DLGAP2: variants seen among roughly 807,000 people sequenced by gnomAD.
DLGAP2 encodes disks large-associated protein 2.
In DLGAP2, 26 loss-of-function variants were observed where a neutral mutation model predicts 100.3. That is an observed-to-expected ratio of 0.26 (90% CI 0.19 to 0.36). The LOEUF (loss-of-function observed/expected upper bound fraction) is 0.36. Ranked by LOEUF, DLGAP2 falls within the 10% of genes least tolerant of loss-of-function variation. The probability of loss-of-function intolerance (pLI) is 1.00; values close to 1 mark genes in which losing one functional copy is unlikely to be tolerated. For missense variants in DLGAP2, 1,858 were observed against 1,453.2 expected (o/e 1.28, Z -4.53); for synonymous variants, 886 against 630.1 (o/e 1.41, Z -6.08).
Position 1,391,883 on chromosome 8 carries a change from GC to G in DLGAP2, c.107-109482del, listed in dbSNP as rs529952052. Among the ~76,000 whole-genome samples, 571 of 152,348 alleles carry G rather than the reference GC, an allele frequency of 3.7e-3. 6 individuals carry two copies. Among genetic ancestry groups the G allele is most frequent in the African/African-American group, 0.013 (533 of 41,578 alleles). ...GAGTATGTGTCTTCCCCTCCTGAAC[GC>G]TTGTGCGTCCACCTTGGACAACCAA... is the stretch of plus-strand genomic sequence containing the variant. On this transcript the variant is annotated intron_variant, in intron 3 of 14. Coordinates refer to ENST00000637795, the MANE Select transcript of DLGAP2 (RefSeq NM_001346810.2).
intron 3 of DLGAP2, among the ~76,000 whole-genome samples, chr8:1,483,051 C>A (rs1364556111): frequency 6.6e-6 from 1 of 152,126 alleles, no homozygotes; most frequent in African/African-American, 2.4e-5. Flanking sequence ...AGTGAGCCTC[C>A]GGCGCGCGCG....
chr8:1,585,227 C>T lies in DLGAP2; in HGVS notation c.1442+19333C>T, dbSNP rs541698645. ...CCTGTGATCCCAGCACTTTGGGAGG[C>T]GGAGGCGGGCAGATCACTTGAGATC... On this transcript the variant is annotated intron_variant, in intron 6 of 14. Transcript: ENST00000637795. Among the ~76,000 whole-genome samples, 206 of 152,252 alleles carry T rather than the reference C, an allele frequency of 1.4e-3. 1 individual carries two copies. In the South Asian group the frequency reaches 0.019, roughly 14 times the overall value.
chr8:813,614 G>T (rs1283022994), intron 1 of DLGAP2, among the ~76,000 whole-genome samples: 1 of 152,156 alleles, frequency 6.6e-6, no homozygotes, highest in Non-Finnish European at 1.5e-5. Context: ...TGTTTTAAAG[G>T]AGGTGAGGGC....
At chr8:1,366,219 C>A (rs2129683100) in intron 3 of DLGAP2, among the ~76,000 whole-genome samples, 1 of 152,338 alleles carries the variant, frequency 6.6e-6, no homozygotes, top group East Asian at 1.9e-4. Context: ...TCTGTACTGT[C>A]AATATTCATG....
At chr8:898,965 G>T (rs1798197980) in intron 1 of DLGAP2, among the ~76,000 whole-genome samples, 1 of 152,222 alleles carries the variant, frequency 6.6e-6, no homozygotes, top group East Asian at 1.9e-4. Flanking sequence ...CTTGGGCCCT[G>T]CCCCAGAACT....
At chr8:1,233,490 A>C (rs780512611) in intron 2 of DLGAP2, among the ~76,000 whole-genome samples, 2 of 152,156 alleles carry the variant, frequency 1.3e-5, no homozygotes, top group Non-Finnish European at 2.9e-5. Flanking sequence ...CGCAGAGCGC[A>C]GGGAAGGTTG....
intron 2 of DLGAP2, among the ~76,000 whole-genome samples, chr8:926,431 G>A (rs187274039): frequency 7.9e-5 from 12 of 152,324 alleles, no homozygotes; most frequent in Admixed American, 4.6e-4. Context: ...TCGGGGGTCT[G>A]TGTGTTTCCA....
At chr8:1,600,244 G>A (rs937114324) in intron 6 of DLGAP2, among the ~76,000 whole-genome samples, 1 of 152,180 alleles carries the variant, frequency 6.6e-6, no homozygotes, top group East Asian at 1.9e-4. Context: ...GATATCCACT[G>A]TTAGTCTAAT....
At chr8:852,127 T>A (rs548076215) in intron 1 of DLGAP2, among the ~76,000 whole-genome samples, 119 of 152,120 alleles carry the variant, frequency 7.8e-4, no homozygotes, top group Non-Finnish European at 9.8e-4. Context: ...TGCAGAGATT[T>A]TGAGAAGGGA....
chr8:1,498,452 G>A (rs750618365), intron 3 of DLGAP2, among the ~76,000 whole-genome samples: 9 of 152,058 alleles, frequency 5.9e-5, no homozygotes, highest in Non-Finnish European at 1.0e-4. Context: ...TGATGTGCCC[G>A]AGTCAGGTTG....
chr8:1,379,812 G>T (rs1796049259), intron 3 of DLGAP2: 1 of 152,286 alleles, frequency 6.6e-6, no homozygotes, highest in Non-Finnish European at 1.5e-5. Flanking sequence ...GCTTGGTGGG[G>T]GTCTGCTGAT....
At chr8:923,727 A>C (rs1338781653) in intron 2 of DLGAP2, among the ~76,000 whole-genome samples, 1 of 152,214 alleles carries the variant, frequency 6.6e-6, no homozygotes, top group Non-Finnish European at 1.5e-5. Flanking sequence ...TGCTTGTATC[A>C]GATGTCAGGG....
At chr8:1,439,142 T>C (rs1797748554) in intron 3 of DLGAP2, among the ~76,000 whole-genome samples, 1 of 152,116 alleles carries the variant, frequency 6.6e-6, no homozygotes, top group Non-Finnish European at 1.5e-5. Context: ...TGGAGCCACG[T>C]GGAGCGTTAA....
chr8:1,210,743 A>G lies in DLGAP2; in HGVS notation c.74-48108A>G, dbSNP rs545763036. On this transcript the variant is annotated intron_variant, in intron 2 of 14. Transcript: ENST00000637795. ...ACCCCCCACCCCCGGCCCTGGTTCC[A>G]ATGGCAGCACCCCTGCAGGGCACGT... 1.7e-3 allele frequency among the ~76,000 whole-genome samples: 241 copies of G among 139,956 alleles called. 1 individual carries two copies. The highest frequency in any genetic ancestry group is 5.9e-3 in the African/African-American group (227 of 38,352). 91.8% of individuals were successfully genotyped at this position (139,956 alleles called of 152,430 possible). A position where few individuals can be genotyped will look rare whatever the true frequency, so the allele number is the denominator to read the frequency against.
rs369768044 is a variant in DLGAP2 at position 913,919 on chromosome 8, G to A, written c.73+5953G>A. On this transcript the variant is annotated intron_variant, in intron 2 of 14. Coordinates refer to ENST00000637795, the MANE Select transcript of DLGAP2 (RefSeq NM_001346810.2). ...CTGTGGGCACGGCCCCCGGAGCCCC[G>A]GGACTGAGACATGCAGGCACCTCAG... Among the ~76,000 whole-genome samples, 5 of 152,088 alleles carry A rather than the reference G, an allele frequency of 3.3e-5. No homozygotes were observed. In the East Asian group the frequency reaches 5.8e-4, roughly 18 times the overall value.
At chr8:1,459,145 A>G (rs1047440999) in intron 3 of DLGAP2, among the ~76,000 whole-genome samples, 54 of 143,618 alleles carry the variant, frequency 3.8e-4, no homozygotes, top group African/African-American at 1.4e-3. Context: ...GGGTCACCCT[A>G]CAAGACCAGC....
intron 2 of DLGAP2, among the ~76,000 whole-genome samples, chr8:986,438 G>T (rs938128997): frequency 6.6e-6 from 1 of 152,126 alleles, no homozygotes; most frequent in Non-Finnish European, 1.5e-5. Flanking sequence ...AGACATTTTA[G>T]TATCTTACTT....
chr8:931,140 A>G (rs1314648106), intron 2 of DLGAP2, among the ~76,000 whole-genome samples: 1 of 152,184 alleles, frequency 6.6e-6, no homozygotes, highest in East Asian at 1.9e-4. Context: ...GAAAGCCGTC[A>G]GCTGAAGTCC....
At chr8:1,368,666 T>C (rs1487781324) in intron 3 of DLGAP2, 2 of 152,222 alleles carry the variant, frequency 1.3e-5, no homozygotes, top group African/African-American at 4.8e-5. Context: ...GTGCCGTATA[T>C]CAATTTTTTA....
Sources: gnomAD v4.1 joint callset for allele counts (sites outside exome capture counted in the v4.1 genomes callset) on GRCh38, gnomAD v4.1.1 for gene constraint, MANE v1.5 for transcripts, NCBI Gene and HGNC (gene_info 2026-07-23, HGNC 2026-07-21) for gene names.